The following SPATS2L variants were observed in gnomAD, a reference collection of about 807,000 sequenced individuals.
SPATS2L encodes the protein SPATS2-like protein.
SPATS2L carries 30 observed loss-of-function variants against 59.6 expected under a neutral mutation model. That is an observed-to-expected ratio of 0.50 (90% CI 0.38 to 0.68). The LOEUF (loss-of-function observed/expected upper bound fraction) is 0.68, where lower values mean the gene tolerates loss of function less well. SPATS2L is among the 30% of genes least tolerant of loss of function. The pLI, the probability that SPATS2L is intolerant of heterozygous loss-of-function variation, is 0.00. For missense variants in SPATS2L, 615 were observed against 700.0 expected (o/e 0.88, Z 1.37); for synonymous variants, 252 against 263.5 (o/e 0.96, Z 0.42).
chr2:200,376,189 C>T lies in SPATS2L; in HGVS notation c.-22-13034C>T, dbSNP rs909978321. The stretch of plus-strand genomic sequence containing the variant: ...TAAAAGGAAGGAATTCTTTTTGTAA[C>T]GTATTAAATCTGTTAAAGTCATGTA... On this transcript the variant is annotated intron_variant, in intron 2 of 12. Transcript: ENST00000409140. Among the ~76,000 whole-genome samples the T allele has an allele frequency of 3.9e-5, 6 of 152,032 alleles. No homozygotes were observed. The East Asian group carries it at 9.6e-4, about 24-fold the overall frequency.
At chr2:200,327,852 G>A (rs915543878) in intron 1 of SPATS2L, among the ~76,000 whole-genome samples, 60 of 128,340 alleles carry the variant, frequency 4.7e-4, no homozygotes, top group African/African-American at 1.5e-3. Context: ...AGAAGCAGGC[G>A]TGTGCGGGCA....
At chr2:200,372,247 G>A (rs1468831409) in intron 2 of SPATS2L, 10 of 954,794 alleles carry the variant, frequency 1.0e-5, no homozygotes, top group South Asian at 9.7e-5. Context: ...CCATCTTCCC[G>A]AACTGTAAGT....
chr2:200,435,279 G>C (rs919157203), intron 6 of SPATS2L, among the ~76,000 whole-genome samples: 1 of 152,092 alleles, frequency 6.6e-6, no homozygotes, highest in African/African-American at 2.4e-5. Flanking sequence ...TTTGGTAAGT[G>C]TTTTCAATAA....
chr2:200,354,522 C>T (rs1314442300), intron 2 of SPATS2L, among the ~76,000 whole-genome samples: 1 of 152,006 alleles, frequency 6.6e-6, no homozygotes, highest in African/African-American at 2.4e-5. Flanking sequence ...GCAGGAGAAT[C>T]GCTTGAACCC....
chr2:200,476,675 C>G (rs1336706822), intron 12 of SPATS2L, among the ~76,000 whole-genome samples: 1 of 152,238 alleles, frequency 6.6e-6, no homozygotes, highest in East Asian at 1.9e-4. Flanking sequence ...CCCATGACCC[C>G]TGGAGCCCCA....
At chr2:200,330,453 C>T (rs1038315295) in intron 2 of SPATS2L, among the ~76,000 whole-genome samples, 1 of 152,160 alleles carries the variant, frequency 6.6e-6, no homozygotes, top group African/African-American at 2.4e-5. Flanking sequence ...TTTACTTCCT[C>T]ATATTTGAAT....
chr2:200,319,381 A>G (rs1402079728), intron 1 of SPATS2L, among the ~76,000 whole-genome samples: 2 of 152,162 alleles, frequency 1.3e-5, no homozygotes, highest in Non-Finnish European at 2.9e-5. Context: ...CCTGGCCAAC[A>G]TGGCAAAACC....
chr2:200,314,058 T>C (rs897465967), intron 1 of SPATS2L, among the ~76,000 whole-genome samples: 5 of 152,242 alleles, frequency 3.3e-5, no homozygotes, highest in African/African-American at 1.2e-4. Flanking sequence ...GCTCATCTTC[T>C]GTTTTCTTCT....
intron 2 of SPATS2L, among the ~76,000 whole-genome samples, chr2:200,372,964 TA>T (rs1470899124): frequency 1.3e-5 from 2 of 152,154 alleles, no homozygotes; most frequent in Admixed American, 6.5e-5. Context: ...AGGTGCCCAC[TA>T]AGTGCTAAAA....
chr2:200,362,817 G>A lies in SPATS2L; in HGVS notation c.-22-26406G>A, dbSNP rs1457475881. ...AGGATATAAAGAAGGAGAAAATCTC[G>A]CTCTGCAGTAGAAGGTTGGTGTTGC... On this transcript the variant is annotated intron_variant, in intron 2 of 12. Transcript: ENST00000409140. 5.3e-5 allele frequency among the ~76,000 whole-genome samples: 8 copies of A among 152,154 alleles called. No homozygotes were observed. The East Asian group carries it at 5.8e-4, about 11-fold the overall frequency.
At chr2:200,394,656 T>A (rs2082277403) in intron 3 of SPATS2L, among the ~76,000 whole-genome samples, 1 of 152,218 alleles carries the variant, frequency 6.6e-6, no homozygotes, top group African/African-American at 2.4e-5. Flanking sequence ...CCATTTACGA[T>A]GTTTTGCAAA....
At chr2:200,314,510 G>T (rs74853301) in intron 1 of SPATS2L, among the ~76,000 whole-genome samples, 1 of 57,912 alleles carries the variant, frequency 1.7e-5, no homozygotes, top group African/African-American at 3.8e-5. Flanking sequence ...ACTCTCCACT[G>T]CTTAAAATCC....
intron 3 of SPATS2L, among the ~76,000 whole-genome samples, chr2:200,410,502 G>C (rs2082840601): frequency 6.6e-6 from 1 of 152,082 alleles, no homozygotes; most frequent in African/African-American, 2.4e-5. Flanking sequence ...TGTACGATCT[G>C]GTCCCTGCCC....
chr2:200,419,710 ATTT>A (rs3033399), intron 6 of SPATS2L, among the ~76,000 whole-genome samples: 1 of 131,678 alleles, frequency 7.6e-6, no homozygotes, highest in Non-Finnish European at 1.6e-5. Context: ...AAGTCAGAGG[ATTT>A]TTTTTTTTTT....
intron 1 of SPATS2L, among the ~76,000 whole-genome samples, chr2:200,319,546 C>G (rs936099540): frequency 8.5e-6 from 1 of 117,858 alleles, no homozygotes; most frequent in Non-Finnish European, 1.6e-5. Flanking sequence ...GCCTAGGTGA[C>G]AGAGCGAGAC....
At chr2:200,328,987 C>G (rs1207999256) in intron 1 of SPATS2L, among the ~76,000 whole-genome samples, 1 of 152,212 alleles carries the variant, frequency 6.6e-6, no homozygotes. Context: ...GATTTGACCT[C>G]TCTGGTGCCT....
At chr2:200,411,774 T>G (rs543835088) in intron 3 of SPATS2L, among the ~76,000 whole-genome samples, 7 of 152,364 alleles carry the variant, frequency 4.6e-5, no homozygotes, top group African/African-American at 1.4e-4. Context: ...GGACTATAGC[T>G]AAGATTACCA....
chr2:200,373,270 C>CAAAAA (rs3856514), intron 2 of SPATS2L: 33 of 105,984 alleles, frequency 3.1e-4, no homozygotes, highest in Non-Finnish European at 3.6e-4. Context: ...ACTGCCTTAA[C>CAAAAA]AAAAAAAAAA....
intron 2 of SPATS2L, among the ~76,000 whole-genome samples, chr2:200,335,010 T>C (rs2080092757): frequency 6.6e-6 from 1 of 152,164 alleles, no homozygotes; most frequent in African/African-American, 2.4e-5. Context: ...TTTTTTGTTT[T>C]CATGTGAACT....
Sources: allele counts gnomAD v4.1 joint callset (sites outside exome capture counted in the v4.1 genomes callset), GRCh38; gene constraint gnomAD v4.1.1; transcripts MANE v1.5; gene names NCBI Gene and HGNC (gene_info 2026-07-23, HGNC 2026-07-21).